Variants in TSPAN33 observed in about 807,000 individuals in gnomAD.
The protein encoded by TSPAN33 is tetraspanin-33.
In TSPAN33, 27 loss-of-function variants were observed where a neutral mutation model predicts 34.8. That is an observed-to-expected ratio of 0.78 (90% CI 0.57 to 1.07). TSPAN33 has a LOEUF of 1.07. TSPAN33 is among the 50% of genes least tolerant of loss of function. TSPAN33 has a pLI of 0.00. For missense variants in TSPAN33, 272 were observed against 324.9 expected (o/e 0.84, Z 1.25); for synonymous variants, 119 against 124.2 (o/e 0.96, Z 0.28).
chr7:129,167,688 T>C lies in TSPAN33; in HGVS notation c.751-85T>C. On this transcript the variant is annotated intron_variant, in intron 7 of 7. Transcript: ENST00000486685. The surrounding 1 kb of genome is among the most constrained non-coding windows in gnomAD (Gnocchi z 4.6). ...GGCTGAGGGGTAGGGAAAGGGATAGTGCTGGCCGCACTGGGAAGATCGAGC... is the reference window on the plus strand; with the variant it reads ...GGCTGAGGGGTAGGGAAAGGGATAGCGCTGGCCGCACTGGGAAGATCGAGC... 6.4e-7 allele frequency: 1 copy of C among 1,570,532 alleles called. No homozygotes were observed. Among genetic ancestry groups the C allele is most frequent in the East Asian group, 2.2e-5 (1 of 44,628 alleles).
At chr7:129,162,364 G>T in intron 2 of TSPAN33, 30 bp from the exon 3 acceptor site, 1 of 1,607,768 alleles carries the variant, frequency 6.2e-7, no homozygotes, top group Non-Finnish European at 8.5e-7. Flanking sequence ...TGGGCACCAG[G>T]CTCAGGCTGA....
intron 4 of TSPAN33, 35 bp downstream of exon 4, chr7:129,162,942 G>T: frequency 1.9e-6 from 3 of 1,596,024 alleles, no homozygotes; most frequent in Non-Finnish European, 2.6e-6. Context: ...CCTCAGGTGT[G>T]ACCCAGAGGG....
chr7:129,146,542 G>A (rs972068272), intron 1 of TSPAN33, among the ~76,000 whole-genome samples: 3 of 152,198 alleles, frequency 2.0e-5, no homozygotes, highest in Non-Finnish European at 4.4e-5. Flanking sequence ...GCCGCTGGGG[G>A]AAGTCCTCAG....
chr7:129,167,944 AGC>A lies in TSPAN33; in HGVS notation c.*71_*72del. 1 of 1,568,470 alleles carries A rather than the reference AGC, an allele frequency of 6.4e-7. No individual in the cohort carries two copies. Among genetic ancestry groups the A allele is most frequent in the South Asian group, 1.2e-5 (1 of 85,100 alleles). On this transcript the variant is annotated 3_prime_UTR_variant, in exon 8 of 8. Transcript: ENST00000486685. This position sits in a 1 kb window ranked among gnomAD's most constrained non-coding sequence, Gnocchi z 4.6. ...TAAACGAACAGCAGTGGGTGCTGAAAGCAGCACCAAATGGAGATTTGGATTCC... is the reference window on the plus strand; with the variant it reads ...TAAACGAACAGCAGTGGGTGCTGAAAAGCACCAAATGGAGATTTGGATTCC...
At chr7:129,146,424 T>G (rs762429354) in intron 1 of TSPAN33, among the ~76,000 whole-genome samples, 1 of 152,234 alleles carries the variant, frequency 6.6e-6, no homozygotes, top group Non-Finnish European at 1.5e-5. Flanking sequence ...TCTGTGTTTA[T>G]GTCTATAAAA....
intron 1 of TSPAN33, among the ~76,000 whole-genome samples, chr7:129,160,288 C>T (rs929618347): frequency 5.3e-5 from 8 of 152,196 alleles, no homozygotes; most frequent in Non-Finnish European, 8.8e-5. Flanking sequence ...AGCTGCTTTC[C>T]GTCTTGCAGG....
At position 129,167,745 on chromosome 7, in the gene TSPAN33, G is replaced by C; in HGVS notation, c.751-28G>C. On this transcript the variant is annotated intron_variant, in intron 7 of 7. Transcript: ENST00000486685. This position sits in a 1 kb window ranked among gnomAD's most constrained non-coding sequence, Gnocchi z 4.6. ...AAACAAGGCCATCACTCACTGCTGA[G>C]TGCCCAATTCCTTCTTGCCTCTCCC... 1 of 1,611,320 alleles carries C rather than the reference G, an allele frequency of 6.2e-7. No homozygotes were observed. The highest frequency in any genetic ancestry group is 1.1e-5 in the South Asian group (1 of 90,980).
intron 1 of TSPAN33, among the ~76,000 whole-genome samples, chr7:129,145,468 G>A (rs536740416): frequency 6.6e-6 from 1 of 151,990 alleles, no homozygotes; most frequent in Non-Finnish European, 1.5e-5. Context: ...GAAAGAAGAG[G>A]AAGGAAAAAC....
rs767333817 is a variant in TSPAN33 at position 129,167,580 on chromosome 7, T to C, written c.750+20T>C. On this transcript the variant is annotated intron_variant, in intron 7 of 7. Transcript: ENST00000486685. This position sits in a 1 kb window ranked among gnomAD's most constrained non-coding sequence, Gnocchi z 4.6. ...CCCCAGGTAACTTACCCTGTGAGACTTGTTGGTCCCACACACTCTGTAAAG... is the reference window on the plus strand; with the variant it reads ...CCCCAGGTAACTTACCCTGTGAGACCTGTTGGTCCCACACACTCTGTAAAG... 6.2e-7 allele frequency: 1 copy of C among 1,611,360 alleles called. No individual in the cohort carries two copies. The highest frequency in any genetic ancestry group is 8.5e-7 in the Non-Finnish European group (1 of 1,178,132).
chr7:129,167,017 T>C lies in TSPAN33; in HGVS notation c.588+111T>C. ...CCCCTAGCTTCACCGATCAGTCATG[T>C]GGGACAGCTGTCAGGTGTTTTTCTT... On this transcript the variant is annotated intron_variant, in intron 6 of 7. Transcript: ENST00000486685. This position sits in a 1 kb window ranked among gnomAD's most constrained non-coding sequence, Gnocchi z 4.6. 7.6e-7 allele frequency: 1 copy of C among 1,307,988 alleles called. No homozygotes were observed. The highest frequency in any genetic ancestry group is 1.1e-6 in the Non-Finnish European group (1 of 945,906). 81.0% of individuals were successfully genotyped at this position (1,307,988 alleles called of 1,614,324 possible). A position where few individuals can be genotyped will look rare whatever the true frequency, so the allele number is the denominator to read the frequency against.
chr7:129,163,364 G>GT (rs1793083864), intron 4 of TSPAN33, among the ~76,000 whole-genome samples: 1 of 60,032 alleles, frequency 1.7e-5, no homozygotes, highest in Non-Finnish European at 3.5e-5. Flanking sequence ...TGTTGTTTTT[G>GT]TTTTTTAAGA....
chr7:129,149,899 C>A (rs1334871305), intron 1 of TSPAN33, among the ~76,000 whole-genome samples: 1 of 152,230 alleles, frequency 6.6e-6, no homozygotes, highest in African/African-American at 2.4e-5. Context: ...ACAGAAAGAC[C>A]AGTATGTGAA....
At chr7:129,159,292 C>G (rs550946726) in intron 1 of TSPAN33, among the ~76,000 whole-genome samples, 1 of 152,200 alleles carries the variant, frequency 6.6e-6, no homozygotes, top group East Asian at 1.9e-4. Flanking sequence ...AACTCCTGAC[C>G]TCGTGATCCA....
chr7:129,157,592 A>C (rs2150624575), intron 1 of TSPAN33, among the ~76,000 whole-genome samples: 1 of 152,312 alleles, frequency 6.6e-6, no homozygotes, highest in Non-Finnish European at 1.5e-5. Flanking sequence ...AACCTGGAAC[A>C]CATTCAGAAA....
chr7:129,144,974 CG>C lies in TSPAN33; in HGVS notation c.-3del, dbSNP rs1563134432. The C allele has an allele frequency of 1.1e-5, 7 of 615,744 alleles. No homozygotes were observed. In the South Asian group the frequency reaches 1.2e-4, roughly 11 times the overall value. 38.1% of individuals were successfully genotyped at this position (615,744 alleles called of 1,614,324 possible). On this transcript the variant is annotated 5_prime_UTR_variant, in exon 1 of 8. Coordinates refer to ENST00000486685, the MANE Select transcript of TSPAN33 (RefSeq NM_178562.5). Reference sequence around the variant, plus strand: ...AGGCCCCCGGGGGCGGTGGCGGCGGCGGGGCCATGGCGCGGAGACCCCGGGC... The same window carrying C: ...AGGCCCCCGGGGGCGGTGGCGGCGGCGGGCCATGGCGCGGAGACCCCGGGC...
At chr7:129,146,781 T>A (rs1297058535) in intron 1 of TSPAN33, among the ~76,000 whole-genome samples, 7 of 152,122 alleles carry the variant, frequency 4.6e-5, no homozygotes, top group Non-Finnish European at 1.0e-4. Context: ...TGACGTGACA[T>A]CCTCGGAGCC....
At chr7:129,166,735 T>G (rs1793146235) in intron 5 of TSPAN33, 43 bp from the exon 6 acceptor site, 1 of 1,608,848 alleles carries the variant, frequency 6.2e-7, no homozygotes, top group African/African-American at 1.3e-5. Flanking sequence ...CACCTCAGTG[T>G]GAGGGGTGGG....
At chr7:129,162,805 G>T in intron 3 of TSPAN33, 28 bp from the exon 4 acceptor site, 1 of 1,612,380 alleles carries the variant, frequency 6.2e-7, no homozygotes, top group South Asian at 1.1e-5. Flanking sequence ...AGTGGTCCTA[G>T]ACGCCTCTTC....
chr7:129,154,778 G>T (rs1810645641), intron 1 of TSPAN33, among the ~76,000 whole-genome samples: 1 of 152,078 alleles, frequency 6.6e-6, no homozygotes. Flanking sequence ...AACAAATTGG[G>T]GTGGGAGGAG....
Sources: allele counts gnomAD v4.1 joint callset (sites outside exome capture counted in the v4.1 genomes callset), GRCh38; gene constraint gnomAD v4.1.1; non-coding constraint Gnocchi (gnomAD v3.1); transcripts MANE v1.5; gene names NCBI Gene and HGNC (gene_info 2026-07-23, HGNC 2026-07-21).